The following CLDN14 variants were observed in gnomAD, a reference collection of about 807,000 sequenced individuals.
CLDN14 encodes the protein claudin-14.
In CLDN14, 2 loss-of-function variants were observed where a neutral mutation model predicts 2.1. That is an observed-to-expected ratio of 0.96 (90% CI 0.39 to 3.01). The LOEUF is 3.01. Among genes scored for constraint, CLDN14 ranks in the 30% most tolerant of loss-of-function variants. The pLI, the probability that CLDN14 is intolerant of heterozygous loss-of-function variation, is 0.09. For synonymous variants in CLDN14, 136 were observed against 154.4 expected, an observed-to-expected ratio of 0.88 and a Z score of 0.88; for missense variants, 298 against 328.0, an observed-to-expected ratio of 0.91 and a Z score of 0.71.
In CLDN14 at chr21:36,499,252, A is replaced by AG. The variant is rs2087070162; in HGVS notation, c.-82+11110dup. Among the ~76,000 whole-genome samples the AG allele has an allele frequency of 6.6e-6, 1 of 152,078 alleles. No individual in the cohort carries two copies. The highest frequency in any genetic ancestry group is 2.4e-5 in the African/African-American group (1 of 41,410). ...GGGCCATTGCTTTCAGCTTTCTCCA[A>AG]GGTTTTTGTTTGTTTGTTTGTCGGT... On this transcript the variant is annotated intron_variant, in intron 2 of 2. Transcript: ENST00000342108. This position sits in a 1 kb window ranked among gnomAD's most constrained non-coding sequence, Gnocchi z 4.7.
Position 36,551,956 on chromosome 21 carries a change from G to A in CLDN14, c.-220+24455C>T, listed in dbSNP as rs2087566158. ...TTTAAAGGACTGTTGAGGGTGGGAG[G>A]AAGTAGGAAAGGAGGTGGTTTCATG... On this transcript the variant is annotated intron_variant, in intron 1 of 2. Coordinates refer to the CLDN14 transcript ENST00000342108. The surrounding 1 kb of genome is among the most constrained non-coding windows in gnomAD (Gnocchi z 4.8). Among the ~76,000 whole-genome samples, 2 of 152,168 alleles carry A rather than the reference G, an allele frequency of 1.3e-5. No homozygotes were observed. Among genetic ancestry groups the A allele is most frequent in the South Asian group, 4.2e-4 (2 of 4,816 alleles).
At chr21:36,504,217 G>C (rs1006365545) in intron 2 of CLDN14, among the ~76,000 whole-genome samples, 1 of 151,700 alleles carries the variant, frequency 6.6e-6, no homozygotes, top group Admixed American at 6.6e-5. Flanking sequence ...GTGCACGCCT[G>C]TAGTCCCAGC....
intron 2 of CLDN14, chr21:36,486,658 CA>C (rs1163594689): frequency 1.4e-6 from 2 of 1,464,080 alleles, no homozygotes; most frequent in African/African-American, 2.8e-5. Flanking sequence ...TTTCTCTGTT[CA>C]CCTCCTCTTC....
Position 36,461,535 on chromosome 21 carries a change from C to G in CLDN14, c.161G>C (p.Cys54Ser). ...VSYLKGLWME[C>S]VWHSTGIYQC... The stretch of plus-strand genomic sequence containing the variant: ...GTAGATGCCTGTGCTGTGCCACACA[C>G]ACTCCATCCAGAGCCCTTTCAGGTA... The change falls in exon 2 of 2, where the codon TGT becomes TCT. Residue 54 changes from cysteine to serine, a missense_variant. Coordinates refer to ENST00000399135, the MANE Select transcript of CLDN14 (RefSeq NM_001146079.2). 6.2e-7 allele frequency: 1 copy of G among 1,613,448 alleles called. No homozygotes were observed. Among genetic ancestry groups the G allele is most frequent in the Non-Finnish European group, 8.5e-7 (1 of 1,180,000 alleles).
rs137953423 is a variant in CLDN14, at chr21:36,527,492, A to C, written c.-219-16992T>G. Among the ~76,000 whole-genome samples, 404 of 152,326 alleles carry C rather than the reference A, an allele frequency of 2.7e-3. 1 individual carries two copies. The highest frequency in any genetic ancestry group is 9.4e-3 in the African/African-American group (389 of 41,560). ...CTTTGTTGCTTTAATATTTCCATGT[A>C]GATCAGCTGCTGTGTTCATGGAGAT... On this transcript the variant is annotated intron_variant, in intron 1 of 2. Coordinates refer to the CLDN14 transcript ENST00000342108.
At chr21:36,524,613 C>T (rs2087309042) in intron 1 of CLDN14, among the ~76,000 whole-genome samples, 1 of 152,212 alleles carries the variant, frequency 6.6e-6, no homozygotes, top group South Asian at 2.1e-4. Flanking sequence ...GGGAGTGTGG[C>T]TGCCACATGA....
intron 1 of CLDN14, among the ~76,000 whole-genome samples, chr21:36,536,773 C>T (rs376467380): frequency 6.6e-6 from 1 of 152,118 alleles, no homozygotes; most frequent in South Asian, 2.1e-4. Context: ...TTATAAACTG[C>T]CTCAAATTCT....
At chr21:36,474,894 T>C (rs1038476186) in intron 1 of CLDN14, among the ~76,000 whole-genome samples, 4 of 152,060 alleles carry the variant, frequency 2.6e-5, no homozygotes, top group Non-Finnish European at 5.9e-5. Flanking sequence ...CTGGGGGAGA[T>C]GTCAGTGGGC....
chr21:36,557,455 A>G (rs73206272), intron 1 of CLDN14, among the ~76,000 whole-genome samples: 2 of 151,958 alleles, frequency 1.3e-5, no homozygotes, highest in African/African-American at 2.4e-5. Flanking sequence ...GCCAACTCTT[A>G]TCTTAAAAAA....
chr21:36,517,138 C>T (rs969797411), intron 1 of CLDN14, among the ~76,000 whole-genome samples: 1 of 152,174 alleles, frequency 6.6e-6, no homozygotes, highest in Non-Finnish European at 1.5e-5. Context: ...CCACGCCTGG[C>T]CTGGTCTTTA....
At chr21:36,531,165 T>A (rs1214258992) in intron 1 of CLDN14, among the ~76,000 whole-genome samples, 6 of 152,042 alleles carry the variant, frequency 3.9e-5, no homozygotes, top group Admixed American at 3.3e-4. Context: ...GAGGTGGAGG[T>A]TGCGGTGAGC....
At chr21:36,546,323 TC>T (rs1189580389) in intron 1 of CLDN14, among the ~76,000 whole-genome samples, 1 of 152,180 alleles carries the variant, frequency 6.6e-6, no homozygotes, top group African/African-American at 2.4e-5. Flanking sequence ...TGTCAAAGCG[TC>T]TCTGTGGTCA....
chr21:36,492,428 G>A (rs1334023664), intron 2 of CLDN14, among the ~76,000 whole-genome samples: 8 of 74,238 alleles, frequency 1.1e-4, no homozygotes, highest in Non-Finnish European at 1.3e-4. Flanking sequence ...GCGACAGAGC[G>A]AGACTCCGTC....
intron 1 of CLDN14, among the ~76,000 whole-genome samples, chr21:36,559,814 A>T (rs1257108017): frequency 6.6e-6 from 1 of 152,266 alleles, no homozygotes; most frequent in African/African-American, 2.4e-5. Context: ...TTACCCTAGA[A>T]ACATTTGTCA....
intron 1 of CLDN14, among the ~76,000 whole-genome samples, chr21:36,550,912 T>C (rs1424986131): frequency 6.6e-6 from 1 of 152,192 alleles, no homozygotes; most frequent in Admixed American, 6.5e-5. Context: ...AATAGGATTG[T>C]TGCAGATGGT....
intron 1 of CLDN14, among the ~76,000 whole-genome samples, chr21:36,510,883 C>G (rs939121658): frequency 6.6e-6 from 1 of 152,208 alleles, no homozygotes; most frequent in Non-Finnish European, 1.5e-5. Flanking sequence ...TGTACAGTAG[C>G]CCTTAGCAAA....
In CLDN14 at chr21:36,499,872, T is replaced by C. The variant is rs956653016; in HGVS notation, c.-82+10491A>G. ...GATGACGAGCAACATTTTCACAACA[T>C]CAGGGGGCTGGTGGAGAAAATCGGG... On this transcript the variant is annotated intron_variant, in intron 2 of 2. Coordinates refer to the CLDN14 transcript ENST00000342108. This position sits in a 1 kb window ranked among gnomAD's most constrained non-coding sequence, Gnocchi z 4.7. Among the ~76,000 whole-genome samples the C allele has an allele frequency of 6.6e-6, 1 of 151,790 alleles. No individual in the cohort carries two copies. The highest frequency in any genetic ancestry group is 2.1e-4 in the South Asian group (1 of 4,820).
intron 1 of CLDN14, among the ~76,000 whole-genome samples, chr21:36,557,067 C>G (rs1050509588): frequency 2.0e-5 from 3 of 152,160 alleles, no homozygotes; most frequent in Admixed American, 2.0e-4. Context: ...GACTGGCTTA[C>G]TTTATTTAGC....
intron 1 of CLDN14, among the ~76,000 whole-genome samples, chr21:36,476,827 G>C (rs1568848536): frequency 6.6e-6 from 1 of 152,236 alleles, no homozygotes; most frequent in Non-Finnish European, 1.5e-5. Flanking sequence ...AGAATGATTG[G>C]GTGAGTCTTC....
Sources: allele counts gnomAD v4.1 joint callset (sites outside exome capture counted in the v4.1 genomes callset), GRCh38; gene constraint gnomAD v4.1.1; non-coding constraint Gnocchi (gnomAD v3.1); transcripts MANE v1.5; gene names NCBI Gene and HGNC (gene_info 2026-07-23, HGNC 2026-07-21).